The following PLEKHA4 variants were observed in gnomAD, a reference collection of about 807,000 sequenced individuals.
PLEKHA4 encodes the protein pleckstrin homology domain-containing family A member 4.
Under a neutral mutation model 94.7 loss-of-function variants are expected in PLEKHA4, and 73 were observed. The ratio of observed to expected loss-of-function variants is 0.77; its 90% CI spans 0.64 to 0.94. The LOEUF (loss-of-function observed/expected upper bound fraction) is 0.94. PLEKHA4 is among the 40% of genes least tolerant of loss of function. The probability of loss-of-function intolerance (pLI) is 0.00; values close to 1 mark genes in which losing one functional copy is unlikely to be tolerated. For synonymous variants in PLEKHA4, 449 were observed against 437.1 expected (o/e 1.03, Z -0.34); for missense variants, 1,049 against 1,054.1 (o/e 1.00, Z 0.07).
intron 17 of PLEKHA4, among the ~76,000 whole-genome samples, chr19:48,840,105 C>T (rs2035703576): frequency 6.6e-6 from 1 of 151,402 alleles, no homozygotes; most frequent in Non-Finnish European, 1.5e-5. Flanking sequence ...GAGACTCTGT[C>T]TCAAAAAAAG....
chr19:48,860,299 G>T, intron 6 of PLEKHA4, 51 bp downstream of exon 6: 1 of 1,494,782 alleles, frequency 6.7e-7, no homozygotes, highest in Non-Finnish European at 9.3e-7. Context: ...TTGGGATGAC[G>T]AGACTGACTC....
chr19:48,841,448 G>A (rs953833525), intron 16 of PLEKHA4, 138 bp from the exon 17 acceptor site: 9 of 886,736 alleles, frequency 1.0e-5, no homozygotes, highest in East Asian at 3.0e-5. Context: ...CCAACTTGGC[G>A]AAATACCATC....
chr19:48,856,251 G>C (rs973793086), intron 9 of PLEKHA4, among the ~76,000 whole-genome samples: 13 of 151,536 alleles, frequency 8.6e-5, no homozygotes, highest in Non-Finnish European at 2.9e-5. Context: ...AGAACGAGGA[G>C]GGGAGGGGAA....
rs60910939 is a variant in PLEKHA4 at position 48,844,119 on chromosome 19, TTTATTATTATTATTATTATTATTATTA to T, written c.1743+1224_1743+1250del. On this transcript the variant is annotated intron_variant, in intron 16 of 19. Coordinates refer to ENST00000263265, the MANE Select transcript of PLEKHA4 (RefSeq NM_020904.3). ...ACTGGCCAAGAAATGCCTTATTTAT[TTTATTATTATTATTATTATTATTATTA>T]TTATTATTATTATTATTATTATTTT... Among the ~76,000 whole-genome samples the T allele has an allele frequency of 1.0e-4, 14 of 134,878 alleles. No individual in the cohort carries two copies. In the South Asian group the frequency reaches 1.8e-3, roughly 17 times the overall value. 88.5% of individuals were successfully genotyped at this position (134,878 alleles called of 152,430 possible).
At chr19:48,846,402 GA>G (rs2035973676) in intron 14 of PLEKHA4, among the ~76,000 whole-genome samples, 1 of 151,948 alleles carries the variant, frequency 6.6e-6, no homozygotes, top group African/African-American at 2.4e-5. Flanking sequence ...AGTGAGCCAA[GA>G]TCGAGCCACT....
intron 13 of PLEKHA4, among the ~76,000 whole-genome samples, chr19:48,848,737 C>T (rs1173807869): frequency 6.7e-6 from 1 of 149,720 alleles, no homozygotes; most frequent in African/African-American, 2.5e-5. Context: ...GTGGAGGTTG[C>T]AGTGAGCTGA....
At chr19:48,861,820 G>C in intron 3 of PLEKHA4, 128 bp from the exon 4 acceptor site, 1 of 875,804 alleles carries the variant, frequency 1.1e-6, no homozygotes, top group Non-Finnish European at 1.8e-6. Context: ...GAGACATAAA[G>C]TAGGGATCAA....
Position 48,845,399 on chromosome 19 carries a change from G to A in PLEKHA4, c.1714C>T (p.His572Tyr), listed in dbSNP as rs2035927420. Residue 572 changes from histidine (H) to tyrosine (Y), a missense_variant, in exon 16 of 20, where the codon CAC (histidine) becomes TAC (tyrosine). Coordinates refer to ENST00000263265, the MANE Select transcript of PLEKHA4 (RefSeq NM_020904.3). ...VSRASSPEGR[H>Y]LPSPQLGTKA... The stretch of plus-strand genomic sequence containing the variant: ...GTTCCTAGCTGTGGGGAAGGGAGGT[G>A]GCGACCCTCAGGGCTGGAAGCCCGG... The A allele has an allele frequency of 2.5e-6, 4 of 1,613,380 alleles. No homozygotes were observed. In the South Asian group the frequency reaches 3.3e-5, roughly 13 times the overall value.
Position 48,837,367 on chromosome 19 carries a change from G to T in PLEKHA4, c.2262C>A (p.Ala754=). ...GPTPWGPAWD[A]GIAPPVLPQD... is the part of the protein sequence containing the mutation. ...GTGGCAGGACCGGAGGGGCGATCCC[G>T]GCATCCCACGCGGGCCCCCAGGGGG... Residue 754 remains alanine, a synonymous_variant, in exon 20 of 20, where the codon GCC becomes GCA. Transcript: ENST00000263265. This position sits in a 1 kb window ranked among gnomAD's most constrained non-coding sequence, Gnocchi z 4.3. 1 of 1,613,700 alleles carries T rather than the reference G, an allele frequency of 6.2e-7. No individual in the cohort carries two copies. Among genetic ancestry groups the T allele is most frequent in the Non-Finnish European group, 8.5e-7 (1 of 1,179,974 alleles).
chr19:48,858,766 T>C, intron 8 of PLEKHA4, 94 bp downstream of exon 8: 1 of 1,408,516 alleles, frequency 7.1e-7, no homozygotes, highest in Non-Finnish European at 1.0e-6. Flanking sequence ...ACAATACCCA[T>C]GACACCCAGG....
rs2035935292 is a variant in PLEKHA4, at chr19:48,845,528, C to T, written c.1655G>A (p.Ser552Asn). Residue 552 changes from serine (S) to asparagine (N), a missense_variant, in exon 15 of 20, where the codon AGC becomes AAC. Ser to Asn is a conservative substitution (Grantham distance 46, BLOSUM62 1). Coordinates refer to ENST00000263265, the MANE Select transcript of PLEKHA4 (RefSeq NM_020904.3). ...ACCAGGATGCTCACCTAAGTGAGGG[C>T]TGGCGAGGTCTTTGTCGCCTCCAGG... ...RPPGGDKDLA[S>N]PHLGLGSPRV... is the part of the protein sequence containing the mutation. 6.2e-7 allele frequency: 1 copy of T among 1,611,796 alleles called. No individual in the cohort carries two copies. The highest frequency in any genetic ancestry group is 1.1e-5 in the South Asian group (1 of 90,914).
At chr19:48,855,332 G>A (rs1450321351) in intron 9 of PLEKHA4, among the ~76,000 whole-genome samples, 6 of 152,126 alleles carry the variant, frequency 3.9e-5, no homozygotes, top group African/African-American at 1.2e-4. Context: ...GGCCGGGTGC[G>A]GTGGCTCATG....
intron 16 of PLEKHA4, among the ~76,000 whole-genome samples, chr19:48,843,498 A>T (rs1302631953): frequency 2.7e-5 from 4 of 147,372 alleles, no homozygotes; most frequent in South Asian, 2.1e-4. Flanking sequence ...TTTTTTTTTT[A>T]AAGACATGGT....
At chr19:48,865,226 C>G (rs1415966921) in intron 3 of PLEKHA4, among the ~76,000 whole-genome samples, 1 of 152,096 alleles carries the variant, frequency 6.6e-6, no homozygotes, top group Non-Finnish European at 1.5e-5. Flanking sequence ...TGCCTGTAAG[C>G]CCAGCTACTC....
intron 9 of PLEKHA4, among the ~76,000 whole-genome samples, chr19:48,856,563 C>T (rs1452525391): frequency 6.6e-6 from 1 of 151,894 alleles, no homozygotes; most frequent in Non-Finnish European, 1.5e-5. Context: ...ACTAAAAATA[C>T]AAAAATTATC....
At chr19:48,863,447 TGAGACGGAG>T (rs2036720575) in intron 3 of PLEKHA4, among the ~76,000 whole-genome samples, 1 of 143,456 alleles carries the variant, frequency 7.0e-6, no homozygotes, top group Admixed American at 6.9e-5. Context: ...TTTTTTTTTT[TGAGACGGAG>T]TCTTCGCTCT....
Position 48,861,566 on chromosome 19 carries a change from G to A in PLEKHA4, c.265+54C>T, listed in dbSNP as rs1046723393. 2.9e-5 allele frequency: 47 copies of A among 1,612,060 alleles called. 1 individual carries two copies. In the South Asian group the frequency reaches 5.1e-4, roughly 17 times the overall value. On this transcript the variant is annotated intron_variant, in intron 4 of 19. Transcript: ENST00000263265. ...AGAAGGCCAAGATGCTAGAGAGAAG[G>A]GCAGACTGGGCGGGGGGGCCCTCCC...
intron 16 of PLEKHA4, chr19:48,844,571 T>C (rs1206184295): frequency 2.0e-6 from 2 of 985,246 alleles, no homozygotes; most frequent in Non-Finnish European, 2.4e-6. Context: ...CAATCAGTGA[T>C]GGTCACATGC....
chr19:48,864,456 C>T (rs1224949987), intron 3 of PLEKHA4, among the ~76,000 whole-genome samples: 1 of 152,126 alleles, frequency 6.6e-6, no homozygotes, highest in Non-Finnish European at 1.5e-5. Context: ...GCATGACCCA[C>T]TATGCTCAGC....
Sources: allele counts gnomAD v4.1 joint callset (sites outside exome capture counted in the v4.1 genomes callset), GRCh38; gene constraint gnomAD v4.1.1; non-coding constraint Gnocchi (gnomAD v3.1); transcripts MANE v1.5; gene names NCBI Gene and HGNC (gene_info 2026-07-23, HGNC 2026-07-21).